RTRAF: variants seen among roughly 807,000 people sequenced by gnomAD.
The protein encoded by RTRAF is tRNA-splicing ligase complex subunit RTRAF.
RTRAF carries 14 observed loss-of-function variants against 34.4 expected under a neutral mutation model. That is an observed-to-expected ratio of 0.41 (90% CI 0.27 to 0.64). RTRAF has a LOEUF of 0.64. RTRAF is among the 30% of genes least tolerant of loss of function. RTRAF has a pLI of 0.34. For missense variants in RTRAF, 291 were observed against 288.4 expected (o/e 1.01, Z -0.06); for synonymous variants, 96 against 95.3 (o/e 1.01, Z -0.04).
chr14:52,005,803 C>T lies in RTRAF; in HGVS notation c.*1287C>T, dbSNP rs181966229. The T allele has an allele frequency of 6.2e-7, 1 of 1,613,780 alleles. No homozygotes were observed. Among genetic ancestry groups the T allele is most frequent in the African/African-American group, 1.3e-5 (1 of 74,918 alleles). On this transcript the variant is annotated 3_prime_UTR_variant, in exon 8 of 8. Transcript: ENST00000261700. ...TGAGATCGTTGTTCTGGGAGATACTCATCAGTAAACTGGCCACTATGTTTA... is the reference window on the plus strand; with the variant it reads ...TGAGATCGTTGTTCTGGGAGATACTTATCAGTAAACTGGCCACTATGTTTA...
intron 1 of RTRAF, among the ~76,000 whole-genome samples, chr14:51,990,968 T>C (rs1253190160): frequency 1.3e-5 from 2 of 152,252 alleles, no homozygotes; most frequent in African/African-American, 2.4e-5. Context: ...ATTTATTTTA[T>C]TTAAGAAACT....
In RTRAF at chr14:52,004,325, TTA is replaced by T. The variant is rs767986462; in HGVS notation, c.581-35_581-34del. ...AAATAAATGGCCTTAAATGTAAAAA[TTA>T]TGTATTGAAGCAGTGTTCTTTTCTC... is the stretch of plus-strand genomic sequence containing the variant. On this transcript the variant is annotated intron_variant, in intron 7 of 7. Coordinates refer to ENST00000261700, the MANE Select transcript of RTRAF (RefSeq NM_016039.3). The T allele has an allele frequency of 4.3e-6, 7 of 1,609,624 alleles. No homozygotes were observed. In the Admixed American group the frequency reaches 1.2e-4, roughly 27 times the overall value.
chr14:52,003,133 T>G (rs1272730629), intron 6 of RTRAF, among the ~76,000 whole-genome samples: 1 of 152,168 alleles, frequency 6.6e-6, no homozygotes, highest in Non-Finnish European at 1.5e-5. Flanking sequence ...TTAATTTTGG[T>G]GTCATCTCAA....
intron 3 of RTRAF, among the ~76,000 whole-genome samples, chr14:51,994,483 A>G (rs1320788194): frequency 6.6e-6 from 1 of 152,068 alleles, no homozygotes. Context: ...CTTTCCCTTC[A>G]TCCCACCTAC....
intron 5 of RTRAF, 62 bp downstream of exon 5, chr14:51,999,858 C>A: frequency 8.6e-7 from 1 of 1,169,582 alleles, no homozygotes; most frequent in African/African-American, 1.5e-5. Flanking sequence ...TCTTTATTTT[C>A]TAAATATTAA....
rs548297576 is a variant in RTRAF, at chr14:52,010,651, C to T, written c.*6135C>T. Reference sequence around the variant, plus strand: ...ACATCACAGACTAATATTGTTTATACCAGTCTTGTTTCCTCCTAATAAAAT... The same window carrying T: ...ACATCACAGACTAATATTGTTTATATCAGTCTTGTTTCCTCCTAATAAAAT... On this transcript the variant is annotated 3_prime_UTR_variant, in exon 8 of 8. Coordinates refer to ENST00000261700, the MANE Select transcript of RTRAF (RefSeq NM_016039.3). 15 of 485,970 alleles carry T rather than the reference C, an allele frequency of 3.1e-5. No homozygotes were observed. The highest frequency in any genetic ancestry group is 2.1e-4 in the African/African-American group (11 of 52,184). The allele number at this position is 485,970 out of a possible 1,614,324, so 30.1% of individuals were successfully genotyped here. A position where few individuals can be genotyped will look rare whatever the true frequency, so the allele number is the denominator to read the frequency against.
intron 3 of RTRAF, chr14:51,997,821 C>A (rs560183555): frequency 6.6e-6 from 1 of 151,666 alleles, no homozygotes; most frequent in Non-Finnish European, 1.5e-5. Flanking sequence ...TTTAATCTTA[C>A]GTAACCTATA....
At chr14:52,001,714 A>G in intron 5 of RTRAF, 84 bp from the exon 6 acceptor site, 1 of 1,006,636 alleles carries the variant, frequency 9.9e-7, no homozygotes, top group Non-Finnish European at 1.5e-6. Flanking sequence ...CATCAAAATG[A>G]GCATCCTTAT....
Position 52,007,698 on chromosome 14 carries a change from G to C in RTRAF, c.*3182G>C. 1.0e-6 allele frequency: 1 copy of C among 994,924 alleles called. No individual in the cohort carries two copies. The highest frequency in any genetic ancestry group is 1.5e-6 in the Non-Finnish European group (1 of 652,892). The allele number at this position is 994,924 out of a possible 1,614,324, so 61.6% of individuals were successfully genotyped here. A position where few individuals can be genotyped will look rare whatever the true frequency, so the allele number is the denominator to read the frequency against. ...ATTTACTAGTACTTAAAAGTTTACA[G>C]ACCAAAGAAAGGAGATCTAAGTGAT... On this transcript the variant is annotated 3_prime_UTR_variant, in exon 8 of 8. Transcript: ENST00000261700.
chr14:52,005,445 T>G lies in RTRAF; in HGVS notation c.*929T>G. 6.4e-7 allele frequency: 1 copy of G among 1,557,896 alleles called. No homozygotes were observed. Among genetic ancestry groups the G allele is most frequent in the Non-Finnish European group, 8.6e-7 (1 of 1,156,180 alleles). On this transcript the variant is annotated 3_prime_UTR_variant, in exon 8 of 8. Coordinates refer to ENST00000261700, the MANE Select transcript of RTRAF (RefSeq NM_016039.3). ...CAGTCACTGTTCTTTAGGGTCCAGG[T>G]TCTGATTGTAAACTCCAAGTCTTCC...
chr14:51,999,471 A>T (rs1594987074), intron 4 of RTRAF: 2 of 365,580 alleles, frequency 5.5e-6, no homozygotes, highest in East Asian at 8.3e-5. Context: ...TACAAGTCTA[A>T]CCATCCTAAG....
At chr14:51,991,228 T>G (rs1890429286) in intron 1 of RTRAF, 89 bp from the exon 2 acceptor site, 1 of 1,359,266 alleles carries the variant, frequency 7.4e-7, no homozygotes. Context: ...TTAAGAAAAT[T>G]CCACAAGAAC....
At chr14:51,999,045 C>A (rs753259414) in intron 4 of RTRAF, among the ~76,000 whole-genome samples, 3 of 151,868 alleles carry the variant, frequency 2.0e-5, no homozygotes, top group Non-Finnish European at 4.4e-5. Context: ...TAGGAGTTAA[C>A]CCTTTTGAAT....
At chr14:51,989,811 C>A in intron 1 of RTRAF, 111 bp downstream of exon 1, 2 of 1,092,672 alleles carry the variant, frequency 1.8e-6, no homozygotes, top group Non-Finnish European at 2.6e-6. Context: ...TGGTTTCCGC[C>A]GGCAGCCTCC....
Position 52,005,571 on chromosome 14 carries a change from G to T in RTRAF, c.*1055G>T. ...AACCAAGTTGCAACAGCAAGTCTTTGCATTTTGTGTATAAACTAGGTAGAT... is the reference window on the plus strand; with the variant it reads ...AACCAAGTTGCAACAGCAAGTCTTTTCATTTTGTGTATAAACTAGGTAGAT... On this transcript the variant is annotated 3_prime_UTR_variant, in exon 8 of 8. Coordinates refer to ENST00000261700, the MANE Select transcript of RTRAF (RefSeq NM_016039.3). 1 of 1,534,726 alleles carries T rather than the reference G, an allele frequency of 6.5e-7. No individual in the cohort carries two copies. Among genetic ancestry groups the T allele is most frequent in the Non-Finnish European group, 8.9e-7 (1 of 1,124,240 alleles).
At chr14:52,001,749 T>TG (rs1451927770) in intron 5 of RTRAF, 49 bp from the exon 6 acceptor site, 1 of 1,455,124 alleles carries the variant, frequency 6.9e-7, no homozygotes, top group Non-Finnish European at 9.5e-7. Flanking sequence ...GAAGAAAGGA[T>TG]GACAGGTACA....
In RTRAF at chr14:52,007,577, T is replaced by C; in HGVS notation, c.*3061T>C. 1 of 494,154 alleles carries C rather than the reference T, an allele frequency of 2.0e-6. No individual in the cohort carries two copies. The highest frequency in any genetic ancestry group is 3.6e-6 in the Non-Finnish European group (1 of 280,870). 30.6% of individuals were successfully genotyped at this position (494,154 alleles called of 1,614,324 possible). A position where few individuals can be genotyped will look rare whatever the true frequency, so the allele number is the denominator to read the frequency against. On this transcript the variant is annotated 3_prime_UTR_variant, in exon 8 of 8. Transcript: ENST00000261700. ...CTGTTAAAAATATGCCAGGCACTCA[T>C]GGTCAGGCAAGCAGTACAAACTTAC...
At chr14:51,992,899 G>A (rs56877201) in intron 2 of RTRAF, among the ~76,000 whole-genome samples, 15,259 of 152,162 alleles carry the variant, frequency 0.1, 959 homozygotes, top group East Asian at 0.15. Context: ...GTGTGGTGGC[G>A]CATGTGTGTA....
At chr14:51,991,523 T>C (rs111849085) in intron 2 of RTRAF, 82 bp downstream of exon 2, 11 of 1,464,898 alleles carry the variant, frequency 7.5e-6, no homozygotes, top group Non-Finnish European at 9.3e-6. Flanking sequence ...ACTTTCTTCT[T>C]TTAAGAAAAA....
Sources: gnomAD v4.1 joint callset for allele counts (sites outside exome capture counted in the v4.1 genomes callset) on GRCh38, gnomAD v4.1.1 for gene constraint, MANE v1.5 for transcripts, NCBI Gene and HGNC (gene_info 2026-07-23, HGNC 2026-07-21) for gene names.